The following HPSE2 variants were observed in gnomAD, a reference collection of about 807,000 sequenced individuals.
HPSE2 encodes the protein inactive heparanase-2.
In HPSE2, 38 loss-of-function variants were observed where a neutral mutation model predicts 60.5. The ratio of observed to expected loss-of-function variants is 0.63; its 90% CI spans 0.48 to 0.82. HPSE2 has a LOEUF of 0.82. Among genes scored for constraint, HPSE2 ranks in the 40% least tolerant of loss-of-function variants. The probability of loss-of-function intolerance (pLI) is 0.00; values close to 1 mark genes in which losing one functional copy is unlikely to be tolerated. For missense variants in HPSE2, 713 were observed against 740.4 expected (o/e 0.96, Z 0.43); for synonymous variants, 295 against 293.2 (o/e 1.01, Z -0.06).
chr10:99,232,381 C>T lies in HPSE2; in HGVS notation c.415G>A (p.Gly139Ser). The T allele has an allele frequency of 1.9e-6, 3 of 1,551,596 alleles. No homozygotes were observed. Among genetic ancestry groups the T allele is most frequent in the Non-Finnish European group, 2.6e-6 (3 of 1,147,020 alleles). The part of the protein sequence containing the change: ...RNPAKSRGGP[G>S]PDYYLKNYED... ...TAGTTTTTGAGATAGTAATCCGGGC[C>T]CGGGCCCCCGCGGCTTTTCGCCGGG... Residue 139 changes from glycine (G) to serine (S), a missense_variant, in exon 2 of 12, where the codon GGC becomes AGC. Transcript: ENST00000370552.
chr10:99,237,121 C>G (rs550567952), upstream of HPSE2, among the ~76,000 whole-genome samples: 91 of 152,296 alleles, frequency 6.0e-4, no homozygotes, highest in African/African-American at 1.3e-3. Flanking sequence ...ACTCTAGGTC[C>G]TATCCTGAAG....
intron 3 of HPSE2, among the ~76,000 whole-genome samples, chr10:98,870,380 C>T (rs1020060785): frequency 6.6e-6 from 1 of 152,096 alleles, no homozygotes; most frequent in Non-Finnish European, 1.5e-5. Flanking sequence ...ACAGTGTCTT[C>T]GGGAAACCTT....
chr10:99,064,604 AATATAT>A (rs5787320), intron 3 of HPSE2, among the ~76,000 whole-genome samples: 3 of 149,762 alleles, frequency 2.0e-5, no homozygotes, highest in South Asian at 2.1e-4. Flanking sequence ...TATTTACTTA[AATATAT>A]ATATATATAT....
chr10:98,526,405 A>G (rs1375220544), intron 9 of HPSE2, among the ~76,000 whole-genome samples: 1 of 152,166 alleles, frequency 6.6e-6, no homozygotes, highest in Admixed American at 6.5e-5. Flanking sequence ...TATCAGAGCA[A>G]CTCCGATGTA....
At chr10:98,954,978 T>TTATA (rs5787317) in intron 3 of HPSE2, among the ~76,000 whole-genome samples, 2,491 of 145,264 alleles carry the variant, frequency 0.017, 42 homozygotes, top group South Asian at 0.068. Context: ...ATATACATAT[T>TTATA]TATATATATA....
chr10:99,100,223 C>T (rs939939752), intron 3 of HPSE2, among the ~76,000 whole-genome samples: 1 of 152,048 alleles, frequency 6.6e-6, no homozygotes, highest in Non-Finnish European at 1.5e-5. Context: ...GAATCCATCG[C>T]AAAGAAGCTA....
chr10:98,810,366 A>T (rs902958295), intron 3 of HPSE2, among the ~76,000 whole-genome samples: 7 of 152,032 alleles, frequency 4.6e-5, no homozygotes, highest in Non-Finnish European at 8.8e-5. Flanking sequence ...ATGTATAAAT[A>T]TGTATATTTA....
intron 3 of HPSE2, among the ~76,000 whole-genome samples, chr10:98,919,366 A>G (rs1330786573): frequency 6.6e-6 from 1 of 152,182 alleles, no homozygotes; most frequent in Non-Finnish European, 1.5e-5. Flanking sequence ...CATGCTACGG[A>G]GCTTGGATTA....
upstream of HPSE2, chr10:99,235,898 T>G: frequency 2.0e-6 from 2 of 995,458 alleles, no homozygotes; most frequent in South Asian, 2.7e-5. Flanking sequence ...TTTTCCCCCC[T>G]TTTTTTCCCT....
At chr10:98,594,673 A>C (rs1945182244) in intron 9 of HPSE2, among the ~76,000 whole-genome samples, 1 of 152,154 alleles carries the variant, frequency 6.6e-6, no homozygotes, top group Non-Finnish European at 1.5e-5. Context: ...TATTGTGTAT[A>C]TATACCACAT....
Position 98,458,173 on chromosome 10 carries a change from G to A in HPSE2, c.*1401C>T, listed in dbSNP as rs11599904. 16,498 of 152,108 alleles carry A rather than the reference G, an allele frequency of 0.11. 1,093 individuals are homozygous for A. The highest frequency in any genetic ancestry group is 0.16 in the Non-Finnish European group (10,824 of 68,068). 9.4% of individuals were successfully genotyped at this position (152,108 alleles called of 1,614,324 possible). A position where few individuals can be genotyped will look rare whatever the true frequency, so the allele number is the denominator to read the frequency against. ...CCCTAGGCAACCCTGCCTTGCCCCC[G>A]CCCCATTCCTGTCCTTTCACAAACA... On this transcript the variant is annotated 3_prime_UTR_variant, in exon 12 of 12. Transcript: ENST00000370552.
rs966793918 is a variant in HPSE2 at position 98,846,880 on chromosome 10, T to C, written c.611-102824A>G. ...CATCACTGTGCCCGGCTCTGACACA[T>C]TGTTTCCAATGACAGAGTTCACACT... On this transcript the variant is annotated intron_variant, in intron 3 of 11. Coordinates refer to ENST00000370552, the MANE Select transcript of HPSE2 (RefSeq NM_021828.5). 4.6e-5 allele frequency among the ~76,000 whole-genome samples: 7 copies of C among 152,238 alleles called. No homozygotes were observed. In the East Asian group the frequency reaches 9.7e-4, roughly 21 times the overall value.
At chr10:98,981,888 C>G (rs537941373) in intron 3 of HPSE2, among the ~76,000 whole-genome samples, 1 of 152,212 alleles carries the variant, frequency 6.6e-6, no homozygotes, top group East Asian at 1.9e-4. Flanking sequence ...TAACTGAGTT[C>G]CCTGTAACCC....
At chr10:99,084,622 T>C (rs1843258432) in intron 3 of HPSE2, among the ~76,000 whole-genome samples, 1 of 152,138 alleles carries the variant, frequency 6.6e-6, no homozygotes, top group African/African-American at 2.4e-5. Context: ...AGAAATTGAT[T>C]TGCATGAGGC....
At chr10:98,941,466 A>T (rs1008924962) in intron 3 of HPSE2, among the ~76,000 whole-genome samples, 5 of 140,858 alleles carry the variant, frequency 3.5e-5, no homozygotes, top group Admixed American at 1.4e-4. Context: ...TCATCAGTGA[A>T]CTCCCATTCA....
intron 5 of HPSE2, among the ~76,000 whole-genome samples, chr10:98,716,442 A>AAAATAAATAAAT (rs35131766): frequency 0.016 from 2,297 of 148,030 alleles, 24 homozygotes; most frequent in East Asian, 0.045. Flanking sequence ...ATAATAATAA[A>AAAATAAATAAAT]AAATAAATAA....
chr10:98,773,140 G>A (rs996520908), intron 3 of HPSE2, among the ~76,000 whole-genome samples: 1 of 152,156 alleles, frequency 6.6e-6, no homozygotes, highest in African/African-American at 2.4e-5. Flanking sequence ...CTGAGTATCA[G>A]AAGTATTTAA....
At chr10:98,884,753 T>G (rs1953119844) in intron 3 of HPSE2, among the ~76,000 whole-genome samples, 1 of 152,042 alleles carries the variant, frequency 6.6e-6, no homozygotes, top group African/African-American at 2.4e-5. Flanking sequence ...AGGGTGAAAC[T>G]GTTCCACCTC....
At chr10:99,027,758 A>G (rs923051646) in intron 3 of HPSE2, among the ~76,000 whole-genome samples, 1 of 151,960 alleles carries the variant, frequency 6.6e-6, no homozygotes, top group Non-Finnish European at 1.5e-5. Context: ...AAAATCTTCA[A>G]CAAAATACTA....
Sources: gnomAD v4.1 joint callset for allele counts (sites outside exome capture counted in the v4.1 genomes callset) on GRCh38, gnomAD v4.1.1 for gene constraint, MANE v1.5 for transcripts, NCBI Gene and HGNC (gene_info 2026-07-23, HGNC 2026-07-21) for gene names.